Variants in ERG observed in about 807,000 individuals in gnomAD.
The protein encoded by ERG is transcriptional regulator ERG.
In ERG, 9 loss-of-function variants were observed where a neutral mutation model predicts 55.3. That is an observed-to-expected ratio of 0.16 (90% CI 0.10 to 0.28). ERG has a LOEUF of 0.28. Among genes scored for constraint, ERG ranks in the 10% least tolerant of loss-of-function variants. ERG has a pLI of 1.00. For missense variants in ERG, 434 were observed against 631.6 expected (o/e 0.69, Z 3.35); for synonymous variants, 223 against 237.3 (o/e 0.94, Z 0.55).
intron 2 of ERG, among the ~76,000 whole-genome samples, chr21:38,428,934 T>G (rs1989974796): frequency 1.3e-5 from 2 of 152,146 alleles, no homozygotes; most frequent in Non-Finnish European, 2.9e-5. Context: ...TGGTGTCTGG[T>G]TACACGAATA....
rs141500964 is a variant in ERG, at chr21:38,484,130, A to G, written c.18+14233T>C. On this transcript the variant is annotated intron_variant, in intron 1 of 9. Transcript: ENST00000288319. The stretch of plus-strand genomic sequence containing the variant: ...GAGTTACTGGTCTTGACGCCTGGCT[A>G]ATTTTTTGTATTTTAGTAGAGATGG... Among the ~76,000 whole-genome samples the G allele has an allele frequency of 5.0e-4, 76 of 152,268 alleles. 1 individual carries two copies. The East Asian group carries it at 0.014, about 27-fold the overall frequency.
chr21:38,575,078 G>A (rs2059986659), intron 2 of ERG, among the ~76,000 whole-genome samples: 1 of 152,130 alleles, frequency 6.6e-6, no homozygotes, highest in Admixed American at 6.5e-5. Context: ...CTCACCTCCA[G>A]AGCCTCAGGA....
intron 1 of ERG, among the ~76,000 whole-genome samples, chr21:38,477,904 G>A (rs1468848376): frequency 1.3e-5 from 2 of 152,200 alleles, no homozygotes; most frequent in African/African-American, 4.8e-5. Flanking sequence ...CATATATTTA[G>A]CATGTCCTAA....
intron 1 of ERG, among the ~76,000 whole-genome samples, chr21:38,623,602 C>T (rs931096741): frequency 2.0e-5 from 3 of 152,172 alleles, no homozygotes; most frequent in Non-Finnish European, 2.9e-5. Context: ...TACATCAGAG[C>T]TCATGTGTGT....
chr21:38,619,465 G>A (rs1160429415), intron 1 of ERG, among the ~76,000 whole-genome samples: 1 of 151,690 alleles, frequency 6.6e-6, no homozygotes, highest in East Asian at 1.9e-4. Flanking sequence ...TTCACTCTCT[G>A]GCCTTGCAGC....
At chr21:38,395,292 G>T in intron 6 of ERG, 1 of 228,766 alleles carries the variant, frequency 4.4e-6, no homozygotes, top group African/African-American at 2.2e-5. Flanking sequence ...ACAGCCAGGG[G>T]TGACTTCTTT....
chr21:38,583,573 A>G (rs1225160045), intron 1 of ERG, among the ~76,000 whole-genome samples: 1 of 152,218 alleles, frequency 6.6e-6, no homozygotes, highest in Non-Finnish European at 1.5e-5. Flanking sequence ...ACTTATAGCT[A>G]TGGGTTGAAT....
intron 1 of ERG, among the ~76,000 whole-genome samples, chr21:38,489,746 T>C (rs904966122): frequency 6.6e-6 from 1 of 152,264 alleles, no homozygotes; most frequent in African/African-American, 2.4e-5. Context: ...TGTTTCTTTA[T>C]TCCAGATCAA....
Position 38,383,217 on chromosome 21 carries a change from A to G in ERG, c.*186T>C. ...TCGTGACATTTTTAGCATCCTCCTCATTTCTGTAGTAAGACTTCAGTAACT... is the reference window on the plus strand; with the variant it reads ...TCGTGACATTTTTAGCATCCTCCTCGTTTCTGTAGTAAGACTTCAGTAACT... On this transcript the variant is annotated 3_prime_UTR_variant, in exon 10 of 10. Transcript: ENST00000288319. This position sits in a 1 kb window ranked among gnomAD's most constrained non-coding sequence, Gnocchi z 5.7. 1.5e-6 allele frequency: 2 copies of G among 1,295,994 alleles called. No individual in the cohort carries two copies. The highest frequency in any genetic ancestry group is 2.0e-6 in the Non-Finnish European group (2 of 1,024,312). The allele number at this position is 1,295,994 out of a possible 1,614,324, so 80.3% of individuals were successfully genotyped here. A position where few individuals can be genotyped will look rare whatever the true frequency, so the allele number is the denominator to read the frequency against.
intron 1 of ERG, among the ~76,000 whole-genome samples, chr21:38,459,250 C>G (rs2059018498): frequency 6.6e-6 from 1 of 152,184 alleles, no homozygotes; most frequent in African/African-American, 2.4e-5. Context: ...TGCTTAATAA[C>G]TTGTTTCCCA....
the ERG span, among the ~76,000 whole-genome samples, chr21:38,372,870 A>T: frequency 6.6e-6 from 1 of 151,934 alleles, no homozygotes; most frequent in Non-Finnish European, 1.5e-5. Flanking sequence ...CAACTATATT[A>T]AAAAGTAGGT....
downstream of ERG, among the ~76,000 whole-genome samples, chr21:38,379,472 T>A (rs1195838017): frequency 6.6e-6 from 1 of 152,222 alleles, no homozygotes; most frequent in Non-Finnish European, 1.5e-5. Context: ...TTAGGAAACA[T>A]GCCATGTGGC....
chr21:38,612,346 C>T (rs2060232706), intron 1 of ERG, among the ~76,000 whole-genome samples: 1 of 152,048 alleles, frequency 6.6e-6, no homozygotes, highest in Non-Finnish European at 1.5e-5. Flanking sequence ...ATAGGATTAG[C>T]TTTTTGATTA....
chr21:38,642,418 GTTTTAAACA>G (rs1568968623), intron 1 of ERG, among the ~76,000 whole-genome samples: 1 of 152,054 alleles, frequency 6.6e-6, no homozygotes, highest in Non-Finnish European at 1.5e-5. Flanking sequence ...TCACTTGTAA[GTTTTAAACA>G]TTTTAGTACT....
chr21:38,373,506 T>C, the ERG span, among the ~76,000 whole-genome samples: 2 of 152,200 alleles, frequency 1.3e-5, no homozygotes, highest in African/African-American at 4.8e-5. Flanking sequence ...GCTTCCTGTT[T>C]TTTTCTGTAT....
At chr21:38,610,651 T>C (rs1351046626) in intron 1 of ERG, among the ~76,000 whole-genome samples, 1 of 152,184 alleles carries the variant, frequency 6.6e-6, no homozygotes, top group African/African-American at 2.4e-5. Flanking sequence ...TTAAAGACAA[T>C]GAATGTTTGA....
chr21:38,454,617 T>C (rs1228408162), intron 1 of ERG, among the ~76,000 whole-genome samples: 1 of 152,212 alleles, frequency 6.6e-6, no homozygotes, highest in Non-Finnish European at 1.5e-5. Flanking sequence ...ATCTAGTGTG[T>C]GTAACAGGTT....
At chr21:38,421,190 A>G (rs1341865029) in intron 3 of ERG, among the ~76,000 whole-genome samples, 1 of 152,194 alleles carries the variant, frequency 6.6e-6, no homozygotes, top group African/African-American at 2.4e-5. Flanking sequence ...TCAGGCATTC[A>G]GGTGCATTGT....
intron 2 of ERG, among the ~76,000 whole-genome samples, chr21:38,574,720 T>C (rs1036949210): frequency 6.6e-6 from 1 of 152,216 alleles, no homozygotes; most frequent in Non-Finnish European, 1.5e-5. Flanking sequence ...TTATAAGCCC[T>C]TCCCATTTTC....
Sources: gnomAD v4.1 joint callset for allele counts (sites outside exome capture counted in the v4.1 genomes callset) on GRCh38, gnomAD v4.1.1 for gene constraint, Gnocchi (gnomAD v3.1) non-coding constraint, MANE v1.5 for transcripts, NCBI Gene and HGNC (gene_info 2026-07-23, HGNC 2026-07-21) for gene names.